Variants in MEF2B observed in about 807,000 individuals in gnomAD.
MEF2B encodes myocyte-specific enhancer factor 2B.
MEF2B carries 15 observed loss-of-function variants against 32.2 expected under a neutral mutation model. That is an observed-to-expected ratio of 0.47 (90% CI 0.31 to 0.72). The LOEUF (loss-of-function observed/expected upper bound fraction) is 0.72, where lower values mean the gene tolerates loss of function less well. Ranked by LOEUF, MEF2B falls within the 30% of genes least tolerant of loss-of-function variation. MEF2B has a pLI of 0.05. For synonymous variants in MEF2B, 205 were observed against 225.6 expected (o/e 0.91, Z 0.82); for missense variants, 441 against 511.5 (o/e 0.86, Z 1.33).
Position 19,165,610 on chromosome 19 carries a change from G to C in MEF2B, c.-30+4595C>G, listed in dbSNP as rs1197132961. Among the ~76,000 whole-genome samples, 4 of 152,168 alleles carry C rather than the reference G, an allele frequency of 2.6e-5. 1 individual carries two copies. The highest frequency in any genetic ancestry group is 5.9e-5 in the Non-Finnish European group (4 of 68,024). ...ACAGAGAAGGTCAGAGAGGCATTGG[G>C]GGACAGAGAGAGGGTGGACTGTAGA... On this transcript the variant is annotated intron_variant, in intron 1 of 8. Transcript: ENST00000424583.
chr19:19,149,248 C>T lies in MEF2B; in HGVS notation c.236G>A (p.Arg79His), dbSNP rs1254581471. ...TACCTCGAGGATGTCAGTGTTGGTGCGGCTCTCGTGGGGCTCGCTGTACTC... is the reference window on the plus strand; with the variant it reads ...TACCTCGAGGATGTCAGTGTTGGTGTGGCTCTCGTGGGGCTCGCTGTACTC... ...YTEYSEPHES[R>H]TNTDILETLK... The change falls in exon 3 of 9, where the codon CGC becomes CAC. Residue 79 changes from arginine to histidine, a missense_variant. By Grantham distance (29) the Arg-to-His change is conservative (BLOSUM62 0). Transcript: ENST00000424583. 8.7e-6 allele frequency: 14 copies of T among 1,613,672 alleles called. No individual in the cohort carries two copies. The highest frequency in any genetic ancestry group is 1.7e-4 in the Middle Eastern group (1 of 6,058).
chr19:19,164,765 G>A (rs895885294), intron 1 of MEF2B, among the ~76,000 whole-genome samples: 3 of 152,136 alleles, frequency 2.0e-5, no homozygotes, highest in African/African-American at 7.2e-5. Context: ...CCAGCCCATG[G>A]AGCCAAGACA....
Position 19,145,657 on chromosome 19 carries a change from G to C in MEF2B, c.*140C>G. On this transcript the variant is annotated 3_prime_UTR_variant, in exon 9 of 9. Coordinates refer to ENST00000424583, the MANE Select transcript of MEF2B (RefSeq NM_001145785.2). The surrounding 1 kb of genome is among the most constrained non-coding windows in gnomAD (Gnocchi z 4.6). ...AGCCCCCCAGGGTGGATTGAGTCCAGCCGCCCACCTCCAAGCCCCCACCGC... is the reference window on the plus strand; with the variant it reads ...AGCCCCCCAGGGTGGATTGAGTCCACCCGCCCACCTCCAAGCCCCCACCGC... The C allele has an allele frequency of 6.5e-7, 1 of 1,527,830 alleles. No individual in the cohort carries two copies. The highest frequency in any genetic ancestry group is 8.8e-7 in the Non-Finnish European group (1 of 1,135,628). 94.6% of individuals were successfully genotyped at this position (1,527,830 alleles called of 1,614,324 possible).
chr19:19,165,263 G>A (rs748485931), intron 1 of MEF2B, among the ~76,000 whole-genome samples: 3 of 152,138 alleles, frequency 2.0e-5, no homozygotes, highest in Non-Finnish European at 4.4e-5. Flanking sequence ...GGGAGGCAGT[G>A]GAGGGTGGCA....
At chr19:19,159,540 AG>A (rs994910188) in intron 1 of MEF2B, among the ~76,000 whole-genome samples, 5 of 152,150 alleles carry the variant, frequency 3.3e-5, no homozygotes, top group African/African-American at 1.2e-4. Context: ...GAATGGAGAC[AG>A]GGGTGGCACC....
In MEF2B at chr19:19,159,516, G is replaced by A. The variant is rs184634763; in HGVS notation, c.-29-8752C>T. Among the ~76,000 whole-genome samples the A allele has an allele frequency of 2.8e-4, 43 of 152,204 alleles. 1 individual carries two copies. In the East Asian group the frequency reaches 6.6e-3, roughly 23 times the overall value. ...TGACAGGAAGAGGCTGGGCCAGTGG[G>A]AAATACAGAGTTTGAATGGAGACAG... On this transcript the variant is annotated intron_variant, in intron 1 of 8. Transcript: ENST00000424583.
At chr19:19,161,290 G>T (rs939737803) in intron 1 of MEF2B, among the ~76,000 whole-genome samples, 9 of 151,976 alleles carry the variant, frequency 5.9e-5, no homozygotes, top group Non-Finnish European at 2.9e-5. Flanking sequence ...GGCGGATGGG[G>T]TTGGGGGTCA....
chr19:19,169,145 G>A (rs1171333135), intron 1 of MEF2B, among the ~76,000 whole-genome samples: 1 of 151,612 alleles, frequency 6.6e-6, no homozygotes, highest in Non-Finnish European at 1.5e-5. Flanking sequence ...TTGAGGTCTG[G>A]AGTTCAAGAC....
intron 1 of MEF2B, among the ~76,000 whole-genome samples, chr19:19,169,994 C>T (rs2060241121): frequency 6.6e-6 from 1 of 152,134 alleles, no homozygotes; most frequent in African/African-American, 2.4e-5. Flanking sequence ...CACACAACTT[C>T]CAGACCCACA....
chr19:19,167,527 C>CAAAG (rs375730323), intron 1 of MEF2B, among the ~76,000 whole-genome samples: 1,898 of 151,370 alleles, frequency 0.013, 39 homozygotes, highest in East Asian at 0.079. Context: ...GTCTCAAAAA[C>CAAAG]AAAGAAAGAA....
In MEF2B at chr19:19,149,448, G is replaced by A. The variant is rs2060054836; in HGVS notation, c.55-19C>T. 6.2e-7 allele frequency: 1 copy of A among 1,613,822 alleles called. No individual in the cohort carries two copies. Among genetic ancestry groups the A allele is most frequent in the Admixed American group, 1.7e-5 (1 of 59,994 alleles). On this transcript the variant is annotated intron_variant, in intron 2 of 8. Transcript: ENST00000424583. ...ACGTCACCTGGACCCAGGACCCACA[G>A]GGGCAGGGGAGAGAAGAAGAAGAGA... is the stretch of plus-strand genomic sequence containing the variant.
At chr19:19,159,209 G>A (rs1675252374) in intron 1 of MEF2B, among the ~76,000 whole-genome samples, 1 of 143,270 alleles carries the variant, frequency 7.0e-6, no homozygotes. Context: ...CCAAAGTGCT[G>A]GGATTACAGG....
Position 19,147,226 on chromosome 19 carries a change from TG to T in MEF2B, c.394-44del, listed in dbSNP as rs2060035507. On this transcript the variant is annotated intron_variant, in intron 4 of 8. Coordinates refer to ENST00000424583, the MANE Select transcript of MEF2B (RefSeq NM_001145785.2). ...ATGGGTCAGAGGACCCCAGGCCAGA[TG>T]GGGGTGCCAAGTCCAAGGGAGAAAA... The T allele has an allele frequency of 2.2e-6, 3 of 1,351,548 alleles. 1 individual carries two copies. The highest frequency in any genetic ancestry group is 3.1e-5 in the African/African-American group (2 of 63,768). 83.7% of individuals were successfully genotyped at this position (1,351,548 alleles called of 1,614,324 possible).
chr19:19,145,913 C>T lies in MEF2B; in HGVS notation c.991G>A (p.Gly331Ser), dbSNP rs752132456. 2.4e-5 allele frequency: 35 copies of T among 1,436,486 alleles called. No individual in the cohort carries two copies. Among genetic ancestry groups the T allele is most frequent in the African/African-American group, 1.8e-4 (12 of 68,000 alleles). The allele number at this position is 1,436,486 out of a possible 1,614,324, so 89.0% of individuals were successfully genotyped here. ...TAGGGGAAGGTCTTAGGAAAGTCGC[C>T]GGGGCCCCCGGGGGCCGGAGAGAGG... ...ERLSPAPGGP[G>S]DFPKTFPYPL... The change falls in exon 9 of 9, where the codon GGC becomes AGC. Residue 331 changes from glycine to serine, a missense_variant. By Grantham distance (56) the Gly-to-Ser change is moderately conservative. Transcript: ENST00000424583. This position sits in a 1 kb window ranked among gnomAD's most constrained non-coding sequence, Gnocchi z 4.6.
intron 8 of MEF2B, 84 bp downstream of exon 8, chr19:19,146,189 C>T (rs776739390): frequency 2.4e-6 from 2 of 841,424 alleles, no homozygotes; most frequent in Non-Finnish European, 3.4e-6. Context: ...CGGAAGTGTG[C>T]GCAGTACCAG....
Position 19,149,206 on chromosome 19 carries a change from G to T in MEF2B, c.258+20C>A. On this transcript the variant is annotated intron_variant, in intron 3 of 8. Transcript: ENST00000424583. Reference sequence around the variant, plus strand: ...GCGTGCACGGGGCCTTGTGGGGCTGGGGAGGAGGACCTGGGGTACCTCGAG... The same window carrying T: ...GCGTGCACGGGGCCTTGTGGGGCTGTGGAGGAGGACCTGGGGTACCTCGAG... 6.2e-7 allele frequency: 1 copy of T among 1,612,894 alleles called. No homozygotes were observed. Among genetic ancestry groups the T allele is most frequent in the Middle Eastern group, 1.7e-4 (1 of 5,794 alleles).
At chr19:19,147,011 C>A in intron 5 of MEF2B, 25 bp downstream of exon 5, 1 of 1,577,244 alleles carries the variant, frequency 6.3e-7, no homozygotes. Flanking sequence ...AGGACCTCAC[C>A]CCTGCCCCAC....
chr19:19,145,947 C>A lies in MEF2B; in HGVS notation c.957G>T (p.Lys319Asn). The A allele has an allele frequency of 6.9e-7, 1 of 1,446,338 alleles. No individual in the cohort carries two copies. Among genetic ancestry groups the A allele is most frequent in the Non-Finnish European group, 9.1e-7 (1 of 1,101,348 alleles). The allele number at this position is 1,446,338 out of a possible 1,614,324, so 89.6% of individuals were successfully genotyped here. Residue 319 changes from lysine to asparagine, a missense_variant, in exon 9 of 9, where the codon AAG (lysine) becomes AAT (asparagine). By Grantham distance (94) the Lys-to-Asn change is moderately conservative (BLOSUM62 0). Coordinates refer to ENST00000424583, the MANE Select transcript of MEF2B (RefSeq NM_001145785.2). This position sits in a 1 kb window ranked among gnomAD's most constrained non-coding sequence, Gnocchi z 4.6. ...CGGGGGCCGGAGAGAGGCGCTCAGA[C>A]TTGATGCTGACTGGGGGGGTCGGCG... ...ASPPTPPVSI[K>N]SERLSPAPGG... is the part of the protein sequence containing the mutation.
At chr19:19,150,509 G>A (rs1404769034) in intron 2 of MEF2B, among the ~76,000 whole-genome samples, 173 bp downstream of exon 2, 2 of 138,698 alleles carry the variant, frequency 1.4e-5, no homozygotes, top group Non-Finnish European at 3.1e-5. Context: ...GGGCAACAGA[G>A]TGAGACTTCA....
Sources: allele counts gnomAD v4.1 joint callset (sites outside exome capture counted in the v4.1 genomes callset), GRCh38; gene constraint gnomAD v4.1.1; non-coding constraint Gnocchi (gnomAD v3.1); transcripts MANE v1.5; gene names NCBI Gene and HGNC (gene_info 2026-07-23, HGNC 2026-07-21).